Variants in PREX1 observed in about 807,000 individuals in gnomAD.
PREX1 encodes the protein phosphatidylinositol 3,4,5-trisphosphate-dependent Rac exchanger 1 protein.
PREX1 carries 41 observed loss-of-function variants against 198.3 expected under a neutral mutation model. That is an observed-to-expected ratio of 0.21 (90% CI 0.16 to 0.27). The LOEUF is 0.27. Ranked by LOEUF, PREX1 falls within the 10% of genes least tolerant of loss-of-function variation. PREX1 has a pLI of 1.00. For missense variants in PREX1, 1,620 were observed against 2,200.7 expected (o/e 0.74, Z 5.28); for synonymous variants, 843 against 887.2 (o/e 0.95, Z 0.89).
chr20:48,795,881 T>A (rs952098401), intron 1 of PREX1, among the ~76,000 whole-genome samples: 7 of 152,176 alleles, frequency 4.6e-5, no homozygotes, highest in Admixed American at 3.3e-4. Context: ...TCCACCAGCC[T>A]CTGCTCTGTA....
chr20:48,848,700 G>A, the PREX1 span, among the ~76,000 whole-genome samples: 1 of 152,284 alleles, frequency 6.6e-6, no homozygotes, highest in African/African-American at 2.4e-5. Context: ...GCAGACGTTT[G>A]CAGACCTTTT....
At chr20:48,832,038 CAT>C (rs991044914), upstream of PREX1, among the ~76,000 whole-genome samples, 10 of 151,746 alleles carry the variant, frequency 6.6e-5, no homozygotes, top group African/African-American at 1.7e-4. Flanking sequence ...CTATCTGTCT[CAT>C]GTGTATGTCA....
At chr20:48,807,997 C>T (rs994168573) in intron 1 of PREX1, among the ~76,000 whole-genome samples, 1 of 152,136 alleles carries the variant, frequency 6.6e-6, no homozygotes, top group African/African-American at 2.4e-5. Flanking sequence ...TGAGCCTGCA[C>T]CATCCTCATT....
At chr20:48,642,531 C>T in intron 27 of PREX1, 42 bp from the exon 28 acceptor site, 3 of 1,502,020 alleles carry the variant, frequency 2.0e-6, no homozygotes, top group Non-Finnish European at 2.8e-6. Context: ...CATTCCTGCC[C>T]CACCTCACAC....
At chr20:48,764,739 G>C (rs1324000997) in intron 1 of PREX1, among the ~76,000 whole-genome samples, 1 of 144,918 alleles carries the variant, frequency 6.9e-6, no homozygotes, top group South Asian at 2.2e-4. Context: ...CCAAGATAGC[G>C]CCACTACACT....
intron 29 of PREX1, among the ~76,000 whole-genome samples, chr20:48,640,914 G>A (rs904870674): frequency 6.6e-6 from 1 of 151,130 alleles, no homozygotes; most frequent in Non-Finnish European, 1.5e-5. Flanking sequence ...TGGATAGATG[G>A]TAAGTGGGTA....
chr20:48,743,549 A>G (rs2090091931), intron 3 of PREX1, among the ~76,000 whole-genome samples: 1 of 152,046 alleles, frequency 6.6e-6, no homozygotes, highest in African/African-American at 2.4e-5. Flanking sequence ...CCTGCGCCCC[A>G]TTGTGCTCTT....
the PREX1 span, among the ~76,000 whole-genome samples, chr20:48,840,198 A>G: frequency 9.2e-5 from 14 of 152,126 alleles, no homozygotes; most frequent in South Asian, 1.7e-3. Context: ...TATTTTTTGT[A>G]AGGACAGGAT....
In PREX1 at chr20:48,626,059, G is replaced by T. The variant is rs934950494; in HGVS notation, c.4938-132C>A. 4.0e-6 allele frequency: 4 copies of T among 1,011,354 alleles called. No homozygotes were observed. In the East Asian group the frequency reaches 1.3e-4, roughly 32 times the overall value. The allele number at this position is 1,011,354 out of a possible 1,614,324, so 62.6% of individuals were successfully genotyped here. Reference sequence around the variant, plus strand: ...CTCACAGGTATATAAAAGATGCAGAGAAAAATATCTATGCTGTCCATGCCT... The same window carrying T: ...CTCACAGGTATATAAAAGATGCAGATAAAAATATCTATGCTGTCCATGCCT... On this transcript the variant is annotated intron_variant, in intron 39 of 39. Coordinates refer to ENST00000371941, the MANE Select transcript of PREX1 (RefSeq NM_020820.4).
At chr20:48,824,117 G>A (rs758528479) in intron 1 of PREX1, among the ~76,000 whole-genome samples, 29 of 151,984 alleles carry the variant, frequency 1.9e-4, no homozygotes, top group Admixed American at 8.5e-4. Context: ...GAAATGATTC[G>A]AGCCAAGGTT....
At chr20:48,683,918 G>A (rs963013681) in intron 10 of PREX1, among the ~76,000 whole-genome samples, 4 of 152,104 alleles carry the variant, frequency 2.6e-5, no homozygotes, top group African/African-American at 9.7e-5. Context: ...GCCCTGAGAG[G>A]TAAGGTCAGG....
At chr20:48,780,556 C>T (rs2090284526) in intron 1 of PREX1, among the ~76,000 whole-genome samples, 1 of 152,090 alleles carries the variant, frequency 6.6e-6, no homozygotes, top group South Asian at 2.1e-4. Context: ...AGAAAGAACT[C>T]CTAATGGCCA....
intron 5 of PREX1, among the ~76,000 whole-genome samples, chr20:48,719,149 A>C (rs75223094): frequency 0.019 from 2,942 of 152,352 alleles, 36 homozygotes; most frequent in Non-Finnish European, 0.03. Flanking sequence ...TCACACAGCT[A>C]AGAAGTGGAG....
chr20:48,750,294 C>T (rs1242006110), intron 1 of PREX1, among the ~76,000 whole-genome samples: 1 of 152,154 alleles, frequency 6.6e-6, no homozygotes, highest in Non-Finnish European at 1.5e-5. Context: ...TCCTGGTCCC[C>T]TTCACCCTCC....
chr20:48,719,673 T>C (rs574147324), intron 5 of PREX1, among the ~76,000 whole-genome samples: 47 of 152,228 alleles, frequency 3.1e-4, no homozygotes, highest in African/African-American at 1.1e-3. Context: ...AATTGTCCAA[T>C]AGAAAATGGG....
intron 15 of PREX1, among the ~76,000 whole-genome samples, chr20:48,663,107 G>A (rs951662887): frequency 6.6e-6 from 1 of 152,152 alleles, no homozygotes; most frequent in Non-Finnish European, 1.5e-5. Context: ...ACCTCAGCTG[G>A]GGAAACTGGA....
the PREX1 span, among the ~76,000 whole-genome samples, chr20:48,851,583 C>A: frequency 1.3e-5 from 2 of 152,140 alleles, 1 homozygote; most frequent in South Asian, 4.1e-4. Context: ...CTGTCTTTCT[C>A]AGCCTTACCT....
intron 29 of PREX1, 66 bp from the exon 30 acceptor site, chr20:48,639,960 A>G: frequency 6.4e-7 from 1 of 1,558,134 alleles, no homozygotes; most frequent in East Asian, 2.2e-5. Context: ...ACGGTGGCAC[A>G]AAGGCCTATG....
chr20:48,730,665 A>G (rs1276360855), intron 4 of PREX1, among the ~76,000 whole-genome samples: 1 of 152,094 alleles, frequency 6.6e-6, no homozygotes, highest in East Asian at 1.9e-4. Flanking sequence ...GACTTACTGC[A>G]TGGATGCTAC....
Sources: allele counts gnomAD v4.1 joint callset (sites outside exome capture counted in the v4.1 genomes callset), GRCh38; gene constraint gnomAD v4.1.1; transcripts MANE v1.5; gene names NCBI Gene and HGNC (gene_info 2026-07-23, HGNC 2026-07-21).